Variants in TIPARP observed in about 807,000 individuals in gnomAD.
The protein encoded by TIPARP is TCDD inducible poly(ADP-ribose) polymerase.
TIPARP carries 12 observed loss-of-function variants against 56.5 expected under a neutral mutation model. The ratio of observed to expected loss-of-function variants is 0.21; its 90% CI spans 0.14 to 0.34. The LOEUF is 0.34. TIPARP is among the 10% of genes least tolerant of loss of function. The pLI, the probability that TIPARP is intolerant of heterozygous loss-of-function variation, is 1.00. For synonymous variants in TIPARP, 296 were observed against 265.7 expected (o/e 1.11, Z -1.11); for missense variants, 604 against 781.6 (o/e 0.77, Z 2.71).
intron 2 of TIPARP, among the ~76,000 whole-genome samples, chr3:156,684,724 G>A (rs1485646499): frequency 6.6e-6 from 1 of 152,168 alleles, no homozygotes; most frequent in Non-Finnish European, 1.5e-5. Context: ...GAGCCACTGC[G>A]CCCAGTGATG....
At chr3:156,701,353 GT>G (rs1197092252) in intron 4 of TIPARP, among the ~76,000 whole-genome samples, 1 of 152,194 alleles carries the variant, frequency 6.6e-6, no homozygotes, top group Non-Finnish European at 1.5e-5. Flanking sequence ...TCACGGCTAG[GT>G]TTGCTGTACA....
In TIPARP at chr3:156,677,693, A is replaced by G; in HGVS notation, c.-5A>G. ...TCTGAGGAGCAGTTGGAGCTAATCC[A>G]CATTATGGAAATGGAAACCACCGAA... On this transcript the variant is annotated 5_prime_UTR_variant, in exon 2 of 6. Coordinates refer to ENST00000295924, the MANE Select transcript of TIPARP (RefSeq NM_015508.5). The G allele has an allele frequency of 6.4e-7, 1 of 1,570,856 alleles. No homozygotes were observed. The highest frequency in any genetic ancestry group is 8.6e-7 in the Non-Finnish European group (1 of 1,163,680).
chr3:156,688,855 C>A (rs1194185796), intron 2 of TIPARP, among the ~76,000 whole-genome samples: 1 of 152,160 alleles, frequency 6.6e-6, no homozygotes, highest in Non-Finnish European at 1.5e-5. Flanking sequence ...AGTAGCGGAA[C>A]CTCAAGTACT....
chr3:156,693,814 G>T (rs1040696867), intron 2 of TIPARP, among the ~76,000 whole-genome samples: 1 of 152,134 alleles, frequency 6.6e-6, no homozygotes, highest in African/African-American at 2.4e-5. Flanking sequence ...AGAAATTTTG[G>T]TCTTGATTAG....
intron 2 of TIPARP, among the ~76,000 whole-genome samples, chr3:156,687,794 T>C (rs984858963): frequency 1.3e-5 from 2 of 152,172 alleles, no homozygotes; most frequent in African/African-American, 2.4e-5. Context: ...TGTCTAACGA[T>C]TTATGAATCA....
rs1722709499 is a variant in TIPARP, at chr3:156,696,105, A to G, written c.1247+80A>G. On this transcript the variant is annotated intron_variant, in intron 4 of 5. Transcript: ENST00000295924. ...CCTGAATACTAGAGATAAAAAATAA[A>G]TAAGAGTCTACCTTGGTTAGTACTC... 5 of 1,481,210 alleles carry G rather than the reference A, an allele frequency of 3.4e-6. No individual in the cohort carries two copies. In the Admixed American group the frequency reaches 7.1e-5, roughly 21 times the overall value. The allele number at this position is 1,481,210 out of a possible 1,614,324, so 91.8% of individuals were successfully genotyped here. A position where few individuals can be genotyped will look rare whatever the true frequency, so the allele number is the denominator to read the frequency against.
chr3:156,682,515 A>G (rs1017379021), intron 2 of TIPARP, among the ~76,000 whole-genome samples: 1 of 152,340 alleles, frequency 6.6e-6, no homozygotes, highest in East Asian at 1.9e-4. Context: ...CAGAAACTCT[A>G]TATAAAAGAG....
intron 2 of TIPARP, among the ~76,000 whole-genome samples, chr3:156,685,449 C>T (rs990526681): frequency 1.3e-5 from 2 of 152,122 alleles, no homozygotes; most frequent in African/African-American, 4.8e-5. Flanking sequence ...GTATGTGTAC[C>T]ACAAAAAGTT....
Position 156,696,009 on chromosome 3 carries a change from C to T in TIPARP, c.1231C>T (p.Leu411=). 1 of 1,607,770 alleles carries T rather than the reference C, an allele frequency of 6.2e-7. No homozygotes were observed. Among genetic ancestry groups the T allele is most frequent in the Non-Finnish European group, 8.5e-7 (1 of 1,178,138 alleles). ...ACCCCTCTTCCGCTCCTGTTTTATA[C>T]TGCTTCCATATTTACAGTAAGTGTC... is the stretch of plus-strand genomic sequence containing the variant. ...RRPLFRSCFI[L]LPYLQTLGGV... is the part of the protein sequence containing the mutation. Residue 411 remains leucine, a synonymous_variant, in exon 4 of 6, where the codon CTG becomes TTG. Transcript: ENST00000295924.
Position 156,695,972 on chromosome 3 carries a change from G to A in TIPARP, c.1194G>A (p.Glu398=). 1.9e-6 allele frequency: 3 copies of A among 1,612,096 alleles called. No individual in the cohort carries two copies. Among genetic ancestry groups the A allele is most frequent in the Non-Finnish European group, 2.5e-6 (3 of 1,179,398 alleles). Residue 398 remains glutamate, a synonymous_variant, in exon 4 of 6, where the codon GAG becomes GAA. Coordinates refer to ENST00000295924, the MANE Select transcript of TIPARP (RefSeq NM_015508.5). ...TCCACAATTCATTCTTCAGGAGAGA[G>A]ATAAAAAGGAGACCCCTCTTCCGCT... is the stretch of plus-strand genomic sequence containing the variant. ...YILHNSFFRR[E]IKRRPLFRSC...
At chr3:156,676,455 C>G (rs144210417) in intron 1 of TIPARP, among the ~76,000 whole-genome samples, 2 of 152,122 alleles carry the variant, frequency 1.3e-5, no homozygotes, top group African/African-American at 4.8e-5. Context: ...TTGTTGTTGA[C>G]CCACAAACAA....
chr3:156,682,727 A>G (rs1722338053), intron 2 of TIPARP, among the ~76,000 whole-genome samples: 1 of 152,212 alleles, frequency 6.6e-6, no homozygotes, highest in Admixed American at 6.5e-5. Flanking sequence ...AGAGAGGAGA[A>G]CAGCTGAAAC....
intron 4 of TIPARP, among the ~76,000 whole-genome samples, chr3:156,699,482 A>G (rs1040372813): frequency 5.9e-5 from 9 of 152,220 alleles, no homozygotes; most frequent in African/African-American, 1.9e-4. Context: ...GGCTCAGATG[A>G]TTGTTAGTGT....
At chr3:156,675,180 G>GA (rs999568918) in intron 1 of TIPARP, 12 of 152,170 alleles carry the variant, frequency 7.9e-5, no homozygotes, top group Admixed American at 2.0e-4. Context: ...CCAGACCCCG[G>GA]GGGGGAGGGC....
At chr3:156,679,933 GTTTGTTTT>G (rs1722250813) in intron 2 of TIPARP, among the ~76,000 whole-genome samples, 1 of 152,010 alleles carries the variant, frequency 6.6e-6, no homozygotes, top group African/African-American at 2.4e-5. Context: ...TTTTTTGTTT[GTTTGTTTT>G]TTGTTTTTTC....
chr3:156,683,561 G>A (rs1240109343), intron 2 of TIPARP, among the ~76,000 whole-genome samples: 1 of 151,640 alleles, frequency 6.6e-6, no homozygotes, highest in Non-Finnish European at 1.5e-5. Flanking sequence ...TGCACATAGT[G>A]GGCATGCAAA....
At chr3:156,676,895 T>C (rs1178626936) in intron 1 of TIPARP, among the ~76,000 whole-genome samples, 4 of 152,208 alleles carry the variant, frequency 2.6e-5, no homozygotes, top group Non-Finnish European at 5.9e-5. Flanking sequence ...ACTAGGAGGC[T>C]TTTTCTGTGT....
intron 2 of TIPARP, among the ~76,000 whole-genome samples, chr3:156,686,725 T>G (rs564764923): frequency 6.2e-4 from 95 of 152,306 alleles, no homozygotes; most frequent in African/African-American, 2.3e-3. Context: ...AAGCTAATAG[T>G]TTATATCTTA....
intron 5 of TIPARP, among the ~76,000 whole-genome samples, chr3:156,704,007 C>T (rs1469613515): frequency 4.2e-5 from 3 of 72,026 alleles, no homozygotes; most frequent in Non-Finnish European, 5.5e-5. Flanking sequence ...AGCCAGACTC[C>T]GTCTCAAAAA....
Sources: gnomAD v4.1 joint callset for allele counts (sites outside exome capture counted in the v4.1 genomes callset) on GRCh38, gnomAD v4.1.1 for gene constraint, MANE v1.5 for transcripts, NCBI Gene and HGNC (gene_info 2026-07-23, HGNC 2026-07-21) for gene names.